ADAM12: variants seen among roughly 807,000 people sequenced by gnomAD.
ADAM12 encodes the protein ADAM metallopeptidase domain 12.
ADAM12 carries 70 observed loss-of-function variants against 106.4 expected under a neutral mutation model. The observed-to-expected ratio is 0.66, with a 90% CI of 0.54 to 0.80. The LOEUF is 0.80. ADAM12 is among the 30% of genes least tolerant of loss of function. The pLI, the probability that ADAM12 is intolerant of heterozygous loss-of-function variation, is 0.00. For synonymous variants in ADAM12, 420 were observed against 433.5 expected (o/e 0.97, Z 0.39); for missense variants, 1,010 against 1,171.9 (o/e 0.86, Z 2.02).
chr10:126,229,649 C>CA (rs149477909), intron 3 of ADAM12, among the ~76,000 whole-genome samples: 4,267 of 135,442 alleles, frequency 0.032, 286 homozygotes, highest in African/African-American at 0.11. Flanking sequence ...TCTTCCCCCC[C>CA]ACTGTCTCCC....
chr10:126,229,649 C>A (rs553926071), intron 3 of ADAM12, among the ~76,000 whole-genome samples: 1 of 135,360 alleles, frequency 7.4e-6, no homozygotes, highest in Admixed American at 7.5e-5. Flanking sequence ...TCTTCCCCCC[C>A]ACTGTCTCCC....
chr10:126,291,800 C>CT, intron 2 of ADAM12, among the ~76,000 whole-genome samples: 1 of 152,158 alleles, frequency 6.6e-6, no homozygotes, highest in South Asian at 2.1e-4. Context: ...TTGAGAAGGA[C>CT]TGGGGGTCAT....
At chr10:126,094,169 A>G (rs1211560406) in intron 10 of ADAM12, 36 bp from the exon 11 acceptor site, 1 of 1,599,630 alleles carries the variant, frequency 6.3e-7, no homozygotes, top group African/African-American at 1.3e-5. Flanking sequence ...TGTATAATTC[A>G]TATCTCCTTG....
chr10:126,255,059 T>C (rs1958864163), intron 3 of ADAM12, among the ~76,000 whole-genome samples: 1 of 152,134 alleles, frequency 6.6e-6, no homozygotes, highest in Admixed American at 6.5e-5. Flanking sequence ...GCACCCGAAG[T>C]GGGGTCAGCT....
chr10:126,240,470 C>T (rs572551645), intron 3 of ADAM12, among the ~76,000 whole-genome samples: 2 of 152,266 alleles, frequency 1.3e-5, no homozygotes, highest in Non-Finnish European at 1.5e-5. Context: ...AGTAAACACA[C>T]GACAAGTGCA....
chr10:126,170,108 AAGCC>A, intron 3 of ADAM12, among the ~76,000 whole-genome samples: 1 of 152,336 alleles, frequency 6.6e-6, no homozygotes, highest in East Asian at 1.9e-4. Flanking sequence ...GCCGTGGCGG[AAGCC>A]AGCCAGCCAG....
At chr10:126,189,794 T>A (rs1013231448) in intron 3 of ADAM12, among the ~76,000 whole-genome samples, 7 of 151,990 alleles carry the variant, frequency 4.6e-5, no homozygotes, top group African/African-American at 1.7e-4. Flanking sequence ...CTCTGCTTGA[T>A]CTTTCATATG....
chr10:126,315,955 G>C (rs978029541), intron 2 of ADAM12, among the ~76,000 whole-genome samples: 6 of 152,160 alleles, frequency 3.9e-5, no homozygotes, highest in Non-Finnish European at 8.8e-5. Flanking sequence ...CCTGTGTCAA[G>C]GAACACTAAA....
chr10:126,159,307 CAAAAAAAAAAAAAAA>C (rs3069557), intron 3 of ADAM12, among the ~76,000 whole-genome samples: 7 of 80,598 alleles, frequency 8.7e-5, no homozygotes, highest in Middle Eastern at 8.9e-3. Flanking sequence ...GAGACTCCAT[CAAAAAAAAAAAAAAA>C]AAAAAAAAAG....
chr10:126,100,365 A>G (rs10510150), intron 9 of ADAM12, among the ~76,000 whole-genome samples: 2 of 152,020 alleles, frequency 1.3e-5, no homozygotes, highest in South Asian at 4.2e-4. Context: ...GTCCTTAGAT[A>G]TTGTATAAAC....
intron 3 of ADAM12, among the ~76,000 whole-genome samples, chr10:126,252,318 T>C (rs1958802626): frequency 6.6e-6 from 1 of 151,944 alleles, no homozygotes; most frequent in Non-Finnish European, 1.5e-5. Context: ...GATGGATGGA[T>C]GGGAGAGGAT....
chr10:126,062,421 G>A (rs1954776924), intron 14 of ADAM12, among the ~76,000 whole-genome samples: 1 of 152,112 alleles, frequency 6.6e-6, no homozygotes. Context: ...TGGGTGCTCA[G>A]ACCTCCAGCC....
Position 126,305,715 on chromosome 10 carries a change from T to C in ADAM12, c.186+24697A>G, listed in dbSNP as rs1239164566. Among the ~76,000 whole-genome samples the C allele has an allele frequency of 7.2e-5, 11 of 152,086 alleles. No homozygotes were observed. In the East Asian group the frequency reaches 1.9e-3, roughly 27 times the overall value. ...TTTTTAATTCTACAAATTTCTATGG[T>C]ATATATTTTGAAAAAATCCTAAAGC... On this transcript the variant is annotated intron_variant, in intron 2 of 22. Coordinates refer to ENST00000448723, the MANE Select transcript of ADAM12 (RefSeq NM_001288973.2).
intron 3 of ADAM12, among the ~76,000 whole-genome samples, chr10:126,260,472 T>C (rs1412823884): frequency 6.6e-6 from 1 of 152,222 alleles, no homozygotes; most frequent in Non-Finnish European, 1.5e-5. Context: ...CTTCATCTGC[T>C]TCTTATTTAG....
chr10:126,062,404 G>A (rs1436297722), intron 14 of ADAM12, among the ~76,000 whole-genome samples: 1 of 152,088 alleles, frequency 6.6e-6, no homozygotes, highest in Non-Finnish European at 1.5e-5. Context: ...AAGAGGACGT[G>A]GCTACCTGGG....
chr10:126,025,738 C>T (rs1376279737), intron 21 of ADAM12, among the ~76,000 whole-genome samples: 1 of 152,212 alleles, frequency 6.6e-6, no homozygotes, highest in Non-Finnish European at 1.5e-5. Context: ...AAACATACTT[C>T]AGGATATAAT....
At chr10:126,245,599 A>G (rs1565164088) in intron 3 of ADAM12, among the ~76,000 whole-genome samples, 1 of 152,156 alleles carries the variant, frequency 6.6e-6, no homozygotes, top group Non-Finnish European at 1.5e-5. Context: ...TCCAGACCCC[A>G]GGGCCAAGGA....
rs557574168 is a variant in ADAM12 at position 126,083,180 on chromosome 10, G to A, written c.1145+10805C>T. On this transcript the variant is annotated intron_variant, in intron 11 of 22. Coordinates refer to ENST00000448723, the MANE Select transcript of ADAM12 (RefSeq NM_001288973.2). ...ACCATTTGTTTAGTGAAACCCTGCT[G>A]GGGACCAGAAGCCTGGCAGACATTC... is the stretch of plus-strand genomic sequence containing the variant. 2.6e-5 allele frequency among the ~76,000 whole-genome samples: 4 copies of A among 152,308 alleles called. No homozygotes were observed. The East Asian group carries it at 7.7e-4, about 29-fold the overall frequency.
chr10:126,077,363 T>G (rs1037403000), intron 11 of ADAM12, among the ~76,000 whole-genome samples: 1 of 152,098 alleles, frequency 6.6e-6, no homozygotes, highest in Non-Finnish European at 1.5e-5. Flanking sequence ...TAAATAACAA[T>G]GTAATTTTTC....
Sources: allele counts gnomAD v4.1 joint callset (sites outside exome capture counted in the v4.1 genomes callset), GRCh38; gene constraint gnomAD v4.1.1; transcripts MANE v1.5; gene names NCBI Gene and HGNC (gene_info 2026-07-23, HGNC 2026-07-21).